DLGAP1: variants seen among roughly 807,000 people sequenced by gnomAD.
DLGAP1 encodes the protein DLG associated protein 1.
DLGAP1 carries 11 observed loss-of-function variants against 90.8 expected under a neutral mutation model. The observed-to-expected ratio is 0.12, with a 90% CI of 0.08 to 0.20. The LOEUF (loss-of-function observed/expected upper bound fraction) is 0.20. Ranked by LOEUF, DLGAP1 falls within the 10% of genes least tolerant of loss-of-function variation. DLGAP1 has a pLI of 1.00. For synonymous variants in DLGAP1, 558 were observed against 540.7 expected (o/e 1.03, Z -0.44); for missense variants, 1,050 against 1,333.8 (o/e 0.79, Z 3.31).
chr18:4,021,301 A>G (rs2149112539), intron 2 of DLGAP1, among the ~76,000 whole-genome samples: 1 of 152,256 alleles, frequency 6.6e-6, no homozygotes, highest in Admixed American at 6.5e-5. Context: ...CATCAGGGCA[A>G]GTCCTTCATA....
chr18:3,979,423 G>T (rs993729046), intron 3 of DLGAP1, among the ~76,000 whole-genome samples: 1 of 145,684 alleles, frequency 6.9e-6, no homozygotes, highest in African/African-American at 2.6e-5. Flanking sequence ...CAGTGTTTTC[G>T]CCTAATGATG....
Position 3,808,947 on chromosome 18 carries a change from C to T in DLGAP1, c.1172+5112G>A, listed in dbSNP as rs554637743. Among the ~76,000 whole-genome samples the T allele has an allele frequency of 2.0e-5, 3 of 152,322 alleles. No homozygotes were observed. The South Asian group carries it at 6.2e-4, about 32-fold the overall frequency. On this transcript the variant is annotated intron_variant, in intron 5 of 12. Coordinates refer to ENST00000315677, the MANE Select transcript of DLGAP1 (RefSeq NM_004746.4). ...GAAGAACACTCCATCTACCTCTTCTCAAATTATTTTCTTTACCAATACTAC... is the reference window on the plus strand; with the variant it reads ...GAAGAACACTCCATCTACCTCTTCTTAAATTATTTTCTTTACCAATACTAC...
chr18:4,215,485 GC>G (rs2077934718), intron 1 of DLGAP1, among the ~76,000 whole-genome samples: 2 of 152,128 alleles, frequency 1.3e-5, no homozygotes, highest in Non-Finnish European at 2.9e-5. Flanking sequence ...GTTTCTGTCA[GC>G]CTTGATGCTG....
chr18:4,003,303 C>T (rs774202029), intron 3 of DLGAP1, among the ~76,000 whole-genome samples: 5 of 152,124 alleles, frequency 3.3e-5, no homozygotes, highest in Non-Finnish European at 7.3e-5. Flanking sequence ...ATCACCTGGA[C>T]ATCCTCAGGC....
intron 3 of DLGAP1, among the ~76,000 whole-genome samples, chr18:3,898,340 C>G (rs2071701011): frequency 6.6e-6 from 1 of 152,140 alleles, no homozygotes; most frequent in Non-Finnish European, 1.5e-5. Flanking sequence ...GTGGTAAACC[C>G]TGTCCTAGGC....
At chr18:4,015,110 T>C (rs1327348338) in intron 2 of DLGAP1, among the ~76,000 whole-genome samples, 1 of 152,172 alleles carries the variant, frequency 6.6e-6, no homozygotes, top group Non-Finnish European at 1.5e-5. Context: ...AATGCATTCC[T>C]GACGGTGACT....
At chr18:3,989,419 G>C (rs1192444398) in intron 3 of DLGAP1, among the ~76,000 whole-genome samples, 2 of 152,146 alleles carry the variant, frequency 1.3e-5, no homozygotes, top group Non-Finnish European at 2.9e-5. Flanking sequence ...AGAGAAGGAA[G>C]ACTTCCTGTC....
intron 7 of DLGAP1, among the ~76,000 whole-genome samples, chr18:3,629,509 A>C (rs1207633782): frequency 6.6e-6 from 1 of 151,948 alleles, no homozygotes; most frequent in Non-Finnish European, 1.5e-5. Flanking sequence ...GTCTCTACTA[A>C]AAATACAAAA....
intron 7 of DLGAP1, among the ~76,000 whole-genome samples, chr18:3,723,094 A>G (rs1198731998): frequency 2.0e-5 from 3 of 152,196 alleles, no homozygotes; most frequent in Non-Finnish European, 2.9e-5. Context: ...AAAGGGCCAC[A>G]TCATAAATGT....
chr18:4,339,427 G>A (rs568058735), intron 1 of DLGAP1, among the ~76,000 whole-genome samples: 12 of 152,214 alleles, frequency 7.9e-5, no homozygotes, highest in African/African-American at 2.4e-4. Context: ...CCATGCACAT[G>A]TTTTCCTATG....
At chr18:4,413,796 T>A (rs2082833835) in intron 1 of DLGAP1, among the ~76,000 whole-genome samples, 2 of 152,054 alleles carry the variant, frequency 1.3e-5, no homozygotes, top group African/African-American at 2.4e-5. Context: ...TATCTGGGGG[T>A]TACTGACATG....
intron 1 of DLGAP1, among the ~76,000 whole-genome samples, chr18:4,453,280 C>T (rs558370104): frequency 6.6e-6 from 1 of 152,090 alleles, no homozygotes; most frequent in South Asian, 2.1e-4. Context: ...ATAACTTAAA[C>T]TTTTTAAAAT....
chr18:4,101,609 C>T (rs1001678954), intron 2 of DLGAP1, among the ~76,000 whole-genome samples: 1 of 152,046 alleles, frequency 6.6e-6, no homozygotes, highest in South Asian at 2.1e-4. Flanking sequence ...ACAATTTCTG[C>T]CAAGCATAAA....
chr18:4,205,110 C>T (rs930833758), intron 1 of DLGAP1, among the ~76,000 whole-genome samples: 1 of 152,032 alleles, frequency 6.6e-6, no homozygotes, highest in African/African-American at 2.4e-5. Flanking sequence ...CTGTGGGAAC[C>T]CTGAAAAGCA....
At chr18:3,529,063 C>A (rs939937903) in intron 10 of DLGAP1, among the ~76,000 whole-genome samples, 1 of 152,184 alleles carries the variant, frequency 6.6e-6, no homozygotes, top group Non-Finnish European at 1.5e-5. Flanking sequence ...GAACACCTTT[C>A]CAGCTTTTGG....
chr18:3,743,753 C>A (rs1007230298), intron 5 of DLGAP1, among the ~76,000 whole-genome samples: 12 of 152,164 alleles, frequency 7.9e-5, no homozygotes, highest in African/African-American at 2.9e-4. Context: ...TAGGTTCAAG[C>A]AATTCTCATG....
At chr18:4,267,500 A>G (rs539309678) in intron 1 of DLGAP1, among the ~76,000 whole-genome samples, 3 of 152,332 alleles carry the variant, frequency 2.0e-5, no homozygotes, top group African/African-American at 7.2e-5. Context: ...AAACACAAGA[A>G]TTAGAAGATA....
intron 7 of DLGAP1, among the ~76,000 whole-genome samples, chr18:3,657,965 A>G (rs2059560344): frequency 6.6e-6 from 1 of 152,164 alleles, no homozygotes; most frequent in African/African-American, 2.4e-5. Context: ...CAGTTCAACC[A>G]TGATCAGACA....
chr18:4,273,833 A>AT (rs1211036002), intron 1 of DLGAP1, among the ~76,000 whole-genome samples: 1 of 152,096 alleles, frequency 6.6e-6, no homozygotes, highest in Non-Finnish European at 1.5e-5. Flanking sequence ...TGCTTTTTTA[A>AT]TTTTTGTAAA....
Sources: gnomAD v4.1 joint callset for allele counts (sites outside exome capture counted in the v4.1 genomes callset) on GRCh38, gnomAD v4.1.1 for gene constraint, MANE v1.5 for transcripts, NCBI Gene and HGNC (gene_info 2026-07-23, HGNC 2026-07-21) for gene names.